CDH13: variants seen among roughly 807,000 people sequenced by gnomAD.
CDH13 encodes the protein cadherin 13.
CDH13 carries 24 observed loss-of-function variants against 63.8 expected under a neutral mutation model. The ratio of observed to expected loss-of-function variants is 0.38; its 90% CI spans 0.27 to 0.53. The LOEUF (loss-of-function observed/expected upper bound fraction) is 0.53. Ranked by LOEUF, CDH13 falls within the 20% of genes least tolerant of loss-of-function variation. The pLI, the probability that CDH13 is intolerant of heterozygous loss-of-function variation, is 0.85. For synonymous variants in CDH13, 503 were observed against 355.3 expected (o/e 1.42, Z -4.67); for missense variants, 1,049 against 903.1 (o/e 1.16, Z -2.07).
At chr16:83,672,663 G>A (rs1243762145) in intron 9 of CDH13, among the ~76,000 whole-genome samples, 6 of 151,970 alleles carry the variant, frequency 3.9e-5, no homozygotes, top group Non-Finnish European at 8.8e-5. Flanking sequence ...GACTTCAAGT[G>A]ATCTGCCCGC....
At chr16:82,789,101 AT>A (rs936152435) in intron 1 of CDH13, among the ~76,000 whole-genome samples, 4 of 152,138 alleles carry the variant, frequency 2.6e-5, no homozygotes, top group Admixed American at 6.5e-5. Context: ...TGATAAGGCA[AT>A]TTTCACCTTT....
At chr16:83,451,345 C>T (rs2072882131) in intron 6 of CDH13, among the ~76,000 whole-genome samples, 1 of 152,074 alleles carries the variant, frequency 6.6e-6, no homozygotes, top group African/African-American at 2.4e-5. Context: ...TTTATAAAAC[C>T]ATCAGATCTC....
At position 83,009,086 on chromosome 16, in the gene CDH13, C is replaced by T. The variant is rs879591672; in HGVS notation, c.158-22924C>T. ...TTCCACCCCCACCGGGTCCTTTCTA[C>T]CCCATGTGGGGATTATGGAAAGTAT... is the stretch of plus-strand genomic sequence containing the variant. On this transcript the variant is annotated intron_variant, in intron 2 of 13. Transcript: ENST00000567109. Among the ~76,000 whole-genome samples, 4 of 152,308 alleles carry T rather than the reference C, an allele frequency of 2.6e-5. No homozygotes were observed. In the South Asian group the frequency reaches 6.2e-4, roughly 24 times the overall value.
chr16:83,431,797 C>G (rs900363927), intron 6 of CDH13, among the ~76,000 whole-genome samples: 19 of 152,126 alleles, frequency 1.2e-4, no homozygotes, highest in Non-Finnish European at 5.9e-5. Context: ...GAATTCACCC[C>G]CATGATCTAA....
At chr16:82,853,636 C>G (rs2039579047) in intron 1 of CDH13, among the ~76,000 whole-genome samples, 2 of 152,172 alleles carry the variant, frequency 1.3e-5, no homozygotes, top group South Asian at 2.1e-4. Flanking sequence ...TATAGTCCGT[C>G]TGAAACGTGA....
rs533901786 is a variant in CDH13 at position 82,743,161 on chromosome 16, C to T, written c.46-115201C>T. Among the ~76,000 whole-genome samples, 3 of 152,178 alleles carry T rather than the reference C, an allele frequency of 2.0e-5. No homozygotes were observed. The South Asian group carries it at 6.2e-4, about 32-fold the overall frequency. ...TAAAAATGTAGAACAATACTTTTGTCTTTATCTTCTGGGCAAAACCAGTTT... is the reference window on the plus strand; with the variant it reads ...TAAAAATGTAGAACAATACTTTTGTTTTTATCTTCTGGGCAAAACCAGTTT... On this transcript the variant is annotated intron_variant, in intron 1 of 13. Coordinates refer to ENST00000567109, the MANE Select transcript of CDH13 (RefSeq NM_001257.5).
intron 7 of CDH13, among the ~76,000 whole-genome samples, chr16:83,490,935 T>G (rs976989109): frequency 2.6e-5 from 4 of 152,208 alleles, no homozygotes; most frequent in African/African-American, 9.7e-5. Flanking sequence ...TCTCTCTCTA[T>G]TCCCATTGCC....
chr16:82,908,277 G>T (rs769812192), intron 2 of CDH13, among the ~76,000 whole-genome samples: 10 of 152,128 alleles, frequency 6.6e-5, no homozygotes, highest in Non-Finnish European at 1.5e-4. Flanking sequence ...CCTTCTTTTG[G>T]AATTAAAATT....
At chr16:83,221,290 G>A (rs1213263230) in intron 5 of CDH13, among the ~76,000 whole-genome samples, 3 of 152,076 alleles carry the variant, frequency 2.0e-5, no homozygotes, top group African/African-American at 7.2e-5. Flanking sequence ...GTGACCCACT[G>A]CCATCTTGCC....
chr16:83,372,093 A>T (rs1186143484), intron 6 of CDH13, among the ~76,000 whole-genome samples: 3 of 152,190 alleles, frequency 2.0e-5, no homozygotes, highest in Admixed American at 6.5e-5. Flanking sequence ...CATTGATGAG[A>T]GGTCATCATG....
intron 3 of CDH13, among the ~76,000 whole-genome samples, chr16:83,098,464 G>A (rs1295685077): frequency 1.3e-5 from 2 of 152,112 alleles, no homozygotes; most frequent in Non-Finnish European, 2.9e-5. Context: ...CCTTTGTGTA[G>A]ATTCATATAT....
intron 1 of CDH13, among the ~76,000 whole-genome samples, chr16:82,804,312 C>CGT (rs2037036800): frequency 2.0e-5 from 3 of 148,376 alleles, no homozygotes; most frequent in Middle Eastern, 3.4e-3. Context: ...CACACACACA[C>CGT]GCACACACAT....
intron 6 of CDH13, among the ~76,000 whole-genome samples, chr16:83,407,532 C>G (rs192882030): frequency 6.6e-6 from 1 of 152,318 alleles, no homozygotes; most frequent in Admixed American, 6.5e-5. Context: ...TTTCTAATCA[C>G]TGGTTCTAAT....
chr16:83,199,243 G>C (rs2038959098), intron 4 of CDH13, among the ~76,000 whole-genome samples: 1 of 152,212 alleles, frequency 6.6e-6, no homozygotes, highest in South Asian at 2.1e-4. Context: ...GAGCATGCTT[G>C]TCTGCTCAGC....
At chr16:83,316,124 TG>T (rs151299378) in intron 5 of CDH13, among the ~76,000 whole-genome samples, 2,304 of 152,214 alleles carry the variant, frequency 0.015, 48 homozygotes, top group African/African-American at 0.049. Flanking sequence ...GAAGAGCCCC[TG>T]ATAAAGCCAT....
At chr16:83,458,783 T>C (rs1336970792) in intron 6 of CDH13, among the ~76,000 whole-genome samples, 1 of 152,216 alleles carries the variant, frequency 6.6e-6, no homozygotes, top group Non-Finnish European at 1.5e-5. Context: ...TTTCTGACAT[T>C]CTGTCTGCTG....
At chr16:83,668,616 C>A (rs146496907) in intron 8 of CDH13, among the ~76,000 whole-genome samples, 1 of 152,130 alleles carries the variant, frequency 6.6e-6, no homozygotes, top group Non-Finnish European at 1.5e-5. Context: ...GGCTCTGGAC[C>A]GCAGCAAGAG....
At chr16:83,349,807 G>A (rs964256264) in intron 6 of CDH13, among the ~76,000 whole-genome samples, 2 of 151,920 alleles carry the variant, frequency 1.3e-5, no homozygotes, top group South Asian at 2.1e-4. Context: ...CACCACATTG[G>A]CCAGGCTGGT....
chr16:83,759,108 T>G (rs900625763), intron 11 of CDH13, among the ~76,000 whole-genome samples: 3 of 152,188 alleles, frequency 2.0e-5, no homozygotes, highest in African/African-American at 4.8e-5. Flanking sequence ...GAAGAATAAG[T>G]TGTAGAACTT....
Sources: allele counts gnomAD v4.1 joint callset (sites outside exome capture counted in the v4.1 genomes callset), GRCh38; gene constraint gnomAD v4.1.1; transcripts MANE v1.5; gene names NCBI Gene and HGNC (gene_info 2026-07-23, HGNC 2026-07-21).